The following PCDHGA1 variants were observed in gnomAD, a reference collection of about 807,000 sequenced individuals.
PCDHGA1 encodes protocadherin gamma-A1.
Under a neutral mutation model 58.0 loss-of-function variants are expected in PCDHGA1, and 32 were observed. The ratio of observed to expected loss-of-function variants is 0.55; its 90% confidence interval spans 0.42 to 0.74. The LOEUF (loss-of-function observed/expected upper bound fraction) is 0.74, where lower values mean the gene tolerates loss of function less well. PCDHGA1 is among the 30% of genes least tolerant of loss of function. The pLI, the probability that PCDHGA1 is intolerant of heterozygous loss-of-function variation, is 0.00. For missense variants in PCDHGA1, 1,205 were observed against 1,182.3 expected, an observed-to-expected ratio of 1.02 and a Z score of -0.28; for synonymous variants, 498 against 501.1, an observed-to-expected ratio of 0.99 and a Z score of 0.08.
At chr5:141,384,549 G>C in intron 1 of PCDHGA1, 1 of 1,614,244 alleles carries the variant, frequency 6.2e-7, no homozygotes, top group Non-Finnish European at 8.5e-7. Context: ...CACTGAGCCT[G>C]TTCGTGCTGG....
rs74488479 is a variant in PCDHGA1, at chr5:141,361,383, A to G, written c.2421+28278A>G. 3.5e-3 allele frequency: 5,633 copies of G among 1,614,024 alleles called. 147 individuals carry two copies. In the East Asian group the frequency reaches 0.073, roughly 21 times the overall value. ...GCGCTCTGGACCGGGAGGAGATCCC[A>G]GAATACAATCTCACCATCACAGCCA... is the stretch of plus-strand genomic sequence containing the variant. On this transcript the variant is annotated intron_variant, in intron 1 of 3. Transcript: ENST00000517417.
At chr5:141,410,821 C>A in intron 1 of PCDHGA1, 1 of 441,370 alleles carries the variant, frequency 2.3e-6, no homozygotes, top group Non-Finnish European at 3.8e-6. Context: ...AAAATAATGT[C>A]ACCAGACTGA....
intron 2 of PCDHGA1, among the ~76,000 whole-genome samples, chr5:141,504,141 T>C (rs1289360763): frequency 6.6e-6 from 1 of 152,192 alleles, no homozygotes; most frequent in East Asian, 1.9e-4. Flanking sequence ...AACACTCCCC[T>C]GCAAATTGAA....
At chr5:141,481,390 G>A (rs553179819) in intron 1 of PCDHGA1, among the ~76,000 whole-genome samples, 2 of 152,346 alleles carry the variant, frequency 1.3e-5, no homozygotes, top group East Asian at 3.9e-4. Context: ...TTGGAGGGAT[G>A]TGACAAAATT....
intron 1 of PCDHGA1, chr5:141,388,302 C>G: frequency 6.2e-7 from 1 of 1,613,700 alleles, no homozygotes; most frequent in Non-Finnish European, 8.5e-7. Context: ...TTCCTTTGAG[C>G]TGCAAATAAG....
intron 1 of PCDHGA1, among the ~76,000 whole-genome samples, chr5:141,450,022 T>TTTTC: frequency 6.7e-6 from 1 of 149,424 alleles, no homozygotes; most frequent in Admixed American, 6.7e-5. Context: ...TTTTTTTTTT[T>TTTTC]TTGAGACAGG....
In PCDHGA1 at chr5:141,381,826, CTTTTTT is replaced by C. The variant is rs770630741; in HGVS notation, c.2421+48738_2421+48743del. 6.8e-3 allele frequency among the ~76,000 whole-genome samples: 507 copies of C among 74,296 alleles called. 2 individuals are homozygous for C. Among genetic ancestry groups the C allele is most frequent in the Non-Finnish European group, 8.2e-3 (349 of 42,396 alleles). 48.7% of individuals were successfully genotyped at this position (74,296 alleles called of 152,430 possible). On this transcript the variant is annotated intron_variant, in intron 1 of 3. Transcript: ENST00000517417. ...TTTCTTTCTTTCTTTCTTTCTTCTT[CTTTTTT>C]TTTTTTTTTTTTTTTTGGCAGAGTT... is the stretch of plus-strand genomic sequence containing the variant.
Position 141,476,870 on chromosome 5 carries a change from C to T in PCDHGA1, c.2422-17937C>T, listed in dbSNP as rs2099400432. 3 of 1,613,772 alleles carry T rather than the reference C, an allele frequency of 1.9e-6. No individual in the cohort carries two copies. Among genetic ancestry groups the T allele is most frequent in the South Asian group, 1.1e-5 (1 of 91,094 alleles). On this transcript the variant is annotated intron_variant, in intron 1 of 3. Coordinates refer to ENST00000517417, the MANE Select transcript of PCDHGA1 (RefSeq NM_018912.3). The surrounding 1 kb of genome is among the most constrained non-coding windows in gnomAD (Gnocchi z 7.6). ...CTTCAACCAGTCCTTGTACCGGGCGCGCGTCCTGGAGGATGCACCCTCCGG... is the reference window on the plus strand; with the variant it reads ...CTTCAACCAGTCCTTGTACCGGGCGTGCGTCCTGGAGGATGCACCCTCCGG...
chr5:141,350,456 G>A, intron 1 of PCDHGA1: 2 of 1,613,442 alleles, frequency 1.2e-6, no homozygotes, highest in African/African-American at 1.3e-5. Flanking sequence ...AAAACTGCGG[G>A]TTAGTGCAGA....
intron 1 of PCDHGA1, chr5:141,419,610 C>G: frequency 1.9e-6 from 3 of 1,612,130 alleles, no homozygotes; most frequent in Middle Eastern, 1.8e-4. Flanking sequence ...GCCGCGCAGC[C>G]AGGCTACCTG....
chr5:141,458,888 T>C (rs756640295), intron 1 of PCDHGA1, among the ~76,000 whole-genome samples: 3 of 152,118 alleles, frequency 2.0e-5, no homozygotes, highest in Non-Finnish European at 2.9e-5. Flanking sequence ...ATGCACACCA[T>C]GCGCAGCTAA....
rs371490086 is a variant in PCDHGA1, at chr5:141,405,329, G to T, written c.2421+72224G>T. 3 of 1,614,168 alleles carry T rather than the reference G, an allele frequency of 1.9e-6. No individual in the cohort carries two copies. Among genetic ancestry groups the T allele is most frequent in the Non-Finnish European group, 2.5e-6 (3 of 1,180,010 alleles). On this transcript the variant is annotated intron_variant, in intron 1 of 3. Coordinates refer to ENST00000517417, the MANE Select transcript of PCDHGA1 (RefSeq NM_018912.3). The stretch of plus-strand genomic sequence containing the variant: ...CTGTGAGAAAAATGAGCCTTTGTGC[G>T]TCTCTGTTGATTCCAAGTTTCCTAT...
Position 141,487,356 on chromosome 5 carries a change from C to A in PCDHGA1, c.2422-7451C>A. On this transcript the variant is annotated intron_variant, in intron 1 of 3. Coordinates refer to ENST00000517417, the MANE Select transcript of PCDHGA1 (RefSeq NM_018912.3). The surrounding 1 kb of genome is among the most constrained non-coding windows in gnomAD (Gnocchi z 5.0). ...GCCTGTGGAGTCACATGCTTTCCTG[C>A]TGGCACCTGTGCCTGTCTCACCAGA... 1 of 1,614,220 alleles carries A rather than the reference C, an allele frequency of 6.2e-7. No individual in the cohort carries two copies. The highest frequency in any genetic ancestry group is 8.5e-7 in the Non-Finnish European group (1 of 1,180,042).
chr5:141,436,859 A>G (rs550974791), intron 1 of PCDHGA1, among the ~76,000 whole-genome samples: 7 of 152,250 alleles, frequency 4.6e-5, no homozygotes, highest in Non-Finnish European at 1.0e-4. Flanking sequence ...TTGAGAAGCC[A>G]CAGTTTTAGG....
chr5:141,415,828 G>T, intron 1 of PCDHGA1: 1 of 1,293,336 alleles, frequency 7.7e-7, no homozygotes, highest in East Asian at 2.8e-5. Flanking sequence ...ATAAGGCTTT[G>T]TTATGATTAG....
chr5:141,490,080 T>A lies in PCDHGA1; in HGVS notation c.2422-4727T>A, dbSNP rs2099695881. On this transcript the variant is annotated intron_variant, in intron 1 of 3. Coordinates refer to ENST00000517417, the MANE Select transcript of PCDHGA1 (RefSeq NM_018912.3). The surrounding 1 kb of genome is among the most constrained non-coding windows in gnomAD (Gnocchi z 5.4). ...GCACCAACGGCCAACTAGACTATTCTTTTGGAGACCACACATCTGAGGCAG... is the reference window on the plus strand; with the variant it reads ...GCACCAACGGCCAACTAGACTATTCATTTGGAGACCACACATCTGAGGCAG... The A allele has an allele frequency of 6.2e-7, 1 of 1,614,246 alleles. No homozygotes were observed. The highest frequency in any genetic ancestry group is 2.2e-5 in the East Asian group (1 of 44,884).
chr5:141,350,770 C>G, intron 1 of PCDHGA1: 5 of 1,613,924 alleles, frequency 3.1e-6, no homozygotes, highest in Non-Finnish European at 4.2e-6. Context: ...ACACCATCAA[C>G]CCCAATCAAT....
intron 2 of PCDHGA1, among the ~76,000 whole-genome samples, chr5:141,503,010 A>ATT (rs199924715): frequency 4.8e-5 from 7 of 146,772 alleles, no homozygotes; most frequent in East Asian, 2.0e-4. Context: ...TGCCCGGTTA[A>ATT]TTTTTTTTTT....
At chr5:141,422,138 T>G (rs1201680879) in intron 1 of PCDHGA1, 1 of 1,587,640 alleles carries the variant, frequency 6.3e-7, no homozygotes, top group Admixed American at 1.9e-5. Context: ...GAAGTTCAAG[T>G]ACGGGGGTCT....
Sources: allele counts gnomAD v4.1 joint callset (sites outside exome capture counted in the v4.1 genomes callset), GRCh38; gene constraint gnomAD v4.1.1; non-coding constraint Gnocchi (gnomAD v3.1); transcripts MANE v1.5; gene names NCBI Gene and HGNC (gene_info 2026-07-23, HGNC 2026-07-21).